SHC4: variants seen among roughly 807,000 people sequenced by gnomAD.
SHC4 encodes SHC adaptor protein 4.
Under a neutral mutation model 69.4 loss-of-function variants are expected in SHC4, and 41 were observed. The observed-to-expected ratio is 0.59, with a 90% CI of 0.46 to 0.77. The LOEUF (loss-of-function observed/expected upper bound fraction) is 0.77. SHC4 is among the 30% of genes least tolerant of loss of function. The probability of loss-of-function intolerance (pLI) is 0.00; values close to 1 mark genes in which losing one functional copy is unlikely to be tolerated. For synonymous variants in SHC4, 318 were observed against 299.3 expected (o/e 1.06, Z -0.64); for missense variants, 777 against 783.8 (o/e 0.99, Z 0.10).
chr15:48,943,866 C>T (rs1181735815), intron 1 of SHC4, among the ~76,000 whole-genome samples: 6 of 152,094 alleles, frequency 3.9e-5, no homozygotes, highest in Admixed American at 6.5e-5. Context: ...CCTTGAAGTC[C>T]TACCCAATAA....
intron 3 of SHC4, among the ~76,000 whole-genome samples, chr15:48,890,049 G>C (rs745416106): frequency 2.2e-4 from 33 of 152,236 alleles, no homozygotes; most frequent in Non-Finnish European, 4.1e-4. Context: ...CGCTGTGGTA[G>C]ATAGTATGTA....
At chr15:48,940,345 C>A (rs892017324) in intron 1 of SHC4, among the ~76,000 whole-genome samples, 6 of 152,196 alleles carry the variant, frequency 3.9e-5, no homozygotes, top group South Asian at 2.1e-4. Context: ...CAATTATCAG[C>A]TCCTCAACAA....
chr15:48,885,982 G>A (rs1900028624), intron 3 of SHC4, among the ~76,000 whole-genome samples: 1 of 152,190 alleles, frequency 6.6e-6, no homozygotes, highest in Non-Finnish European at 1.5e-5. Context: ...TGTGAGGCTG[G>A]GTGCGGTGGC....
At chr15:48,950,340 A>G (rs1901347395) in intron 1 of SHC4, among the ~76,000 whole-genome samples, 1 of 151,460 alleles carries the variant, frequency 6.6e-6, no homozygotes, top group African/African-American at 2.4e-5. Context: ...CTCAGAGGCC[A>G]TCTCCTTAGG....
intron 1 of SHC4, among the ~76,000 whole-genome samples, chr15:48,955,482 T>C (rs1401736993): frequency 2.0e-5 from 3 of 152,104 alleles, no homozygotes; most frequent in South Asian, 2.1e-4. Flanking sequence ...GAGGAAACCA[T>C]ATTGGGGAAA....
chr15:48,932,616 T>A (rs530176272), intron 1 of SHC4, among the ~76,000 whole-genome samples: 4 of 152,302 alleles, frequency 2.6e-5, no homozygotes, highest in African/African-American at 7.2e-5. Flanking sequence ...TTCTTATCCA[T>A]GTCCATCTTA....
intron 2 of SHC4, among the ~76,000 whole-genome samples, chr15:48,920,804 C>T (rs1477971208): frequency 1.3e-5 from 2 of 152,004 alleles, no homozygotes; most frequent in African/African-American, 4.8e-5. Context: ...ATAGAAGAGG[C>T]CAGGCATGGT....
chr15:48,889,881 C>T (rs563364870), intron 3 of SHC4, among the ~76,000 whole-genome samples: 1 of 152,204 alleles, frequency 6.6e-6, no homozygotes, highest in Admixed American at 6.5e-5. Context: ...AAACCCTTCC[C>T]TTAAACAGTC....
At chr15:48,909,604 G>C (rs1400163092) in intron 2 of SHC4, among the ~76,000 whole-genome samples, 1 of 152,144 alleles carries the variant, frequency 6.6e-6, no homozygotes, top group Non-Finnish European at 1.5e-5. Flanking sequence ...GAAGAGGAAT[G>C]GTGAGAGTGG....
rs540654798 is a variant in SHC4 at position 48,900,819 on chromosome 15, C to T, written c.657-10008G>A. Among the ~76,000 whole-genome samples, 140 of 152,192 alleles carry T rather than the reference C, an allele frequency of 9.2e-4. 1 individual carries two copies. The highest frequency in any genetic ancestry group is 3.4e-3 in the Middle Eastern group (1 of 294). On this transcript the variant is annotated intron_variant, in intron 2 of 11. Transcript: ENST00000332408. Reference sequence around the variant, plus strand: ...CCAGAGATTCTGAATTAATTGGTGCCGGACAGGGCTTGGGGGTCAGAAGTT... The same window carrying T: ...CCAGAGATTCTGAATTAATTGGTGCTGGACAGGGCTTGGGGGTCAGAAGTT...
intron 2 of SHC4, among the ~76,000 whole-genome samples, chr15:48,891,363 GAAGAA>G (rs1363713209): frequency 9.2e-5 from 14 of 152,180 alleles, no homozygotes; most frequent in Non-Finnish European, 1.9e-4. Flanking sequence ...TAATTTCACA[GAAGAA>G]AAGAAATCAA....
intron 1 of SHC4, among the ~76,000 whole-genome samples, chr15:48,934,612 T>C (rs990394064): frequency 2.0e-5 from 3 of 152,062 alleles, no homozygotes; most frequent in African/African-American, 4.8e-5. Context: ...CCCAATAAAA[T>C]TGAAAGCATA....
chr15:48,893,450 C>T (rs918524811), intron 2 of SHC4, among the ~76,000 whole-genome samples: 11 of 152,154 alleles, frequency 7.2e-5, no homozygotes, highest in African/African-American at 2.7e-4. Context: ...GCAGCCTTAG[C>T]CAATATGTAG....
chr15:48,828,588 T>C (rs955566267), intron 11 of SHC4, among the ~76,000 whole-genome samples: 2 of 152,320 alleles, frequency 1.3e-5, no homozygotes, highest in East Asian at 3.9e-4. Flanking sequence ...CTGTGTTCCA[T>C]AGAGGCTGTA....
chr15:48,946,681 C>T (rs1396498358), intron 1 of SHC4: 1 of 740,636 alleles, frequency 1.4e-6, no homozygotes, highest in Non-Finnish European at 1.6e-6. Flanking sequence ...CTTTCTTGCT[C>T]TCTGGGCAAC....
chr15:48,894,705 C>T (rs1900192806), intron 2 of SHC4, among the ~76,000 whole-genome samples: 1 of 152,072 alleles, frequency 6.6e-6, no homozygotes, highest in African/African-American at 2.4e-5. Context: ...TTTAGTAAAG[C>T]CTTTTAGAAT....
At chr15:48,939,027 A>G (rs1477215728) in intron 1 of SHC4, among the ~76,000 whole-genome samples, 1 of 152,240 alleles carries the variant, frequency 6.6e-6, no homozygotes, top group African/African-American at 2.4e-5. Context: ...TGAGGATCCA[A>G]TCAGGTAATG....
chr15:48,889,567 G>C (rs1230548849), intron 3 of SHC4, among the ~76,000 whole-genome samples: 1 of 152,188 alleles, frequency 6.6e-6, no homozygotes, highest in Admixed American at 6.5e-5. Flanking sequence ...CTTCTCCGCC[G>C]GGTGCGGTGG....
chr15:48,963,109 T>C lies in SHC4; in HGVS notation c.-94A>G, dbSNP rs565334008. 777 of 1,319,920 alleles carry C rather than the reference T, an allele frequency of 5.9e-4. 1 individual carries two copies. Among genetic ancestry groups the C allele is most frequent in the Non-Finnish European group, 7.8e-4 (754 of 964,900 alleles). 81.8% of individuals were successfully genotyped at this position (1,319,920 alleles called of 1,614,324 possible). A position where few individuals can be genotyped will look rare whatever the true frequency, so the allele number is the denominator to read the frequency against. On this transcript the variant is annotated 5_prime_UTR_variant, in exon 1 of 12. Transcript: ENST00000332408. The stretch of plus-strand genomic sequence containing the variant: ...AGACATCAGATACCTCAACGCCCGA[T>C]GCAACTCACAGCAGCCACCTCTCCA...
Sources: gnomAD v4.1 joint callset for allele counts (sites outside exome capture counted in the v4.1 genomes callset) on GRCh38, gnomAD v4.1.1 for gene constraint, MANE v1.5 for transcripts, NCBI Gene and HGNC (gene_info 2026-07-23, HGNC 2026-07-21) for gene names.